NEXMIF: variants seen among roughly 807,000 people sequenced by gnomAD.
The protein encoded by NEXMIF is neurite extension and migration factor, also known as XLMR protein related to neurite extension.
NEXMIF carries 8 observed loss-of-function variants against 62.1 expected under a neutral mutation model. The ratio of observed to expected loss-of-function variants is 0.13; its 90% CI spans 0.08 to 0.23. The LOEUF is 0.23. NEXMIF is among the 10% of genes least tolerant of loss of function. The probability of loss-of-function intolerance (pLI) is 1.00; values close to 1 mark genes in which losing one functional copy is unlikely to be tolerated. For missense variants in NEXMIF, 976 were observed against 1,113.3 expected, an observed-to-expected ratio of 0.88 and a Z score of 1.75; for synonymous variants, 404 against 416.6, an observed-to-expected ratio of 0.97 and a Z score of 0.37.
At chrX:74,837,803 A>G (rs764670549) in intron 1 of NEXMIF, among the ~76,000 whole-genome samples, 7 of 112,172 alleles carry the variant, frequency 6.2e-5, no homozygotes, top group Non-Finnish European at 1.1e-4. Context: ...CAATTGTTAT[A>G]TGTAACTAAC....
At chrX:74,749,290 GA>G (rs1423011956) in intron 1 of NEXMIF, among the ~76,000 whole-genome samples, 10 of 110,839 alleles carry the variant, frequency 9.0e-5, no homozygotes, top group African/African-American at 3.0e-4. Context: ...TCAGCGGAGA[GA>G]AAAGTATTCC....
intron 1 of NEXMIF, among the ~76,000 whole-genome samples, chrX:74,828,171 G>C (rs750480988): frequency 1.8e-5 from 2 of 111,798 alleles, no homozygotes; most frequent in South Asian, 7.5e-4. Context: ...TATTTAATTG[G>C]AAAGGCTGTT....
chrX:74,798,964 T>TAA (rs1297637037), intron 1 of NEXMIF, among the ~76,000 whole-genome samples: 77 of 89,098 alleles, frequency 8.6e-4, no homozygotes, highest in African/African-American at 3.0e-3. Context: ...AGGAATAAAG[T>TAA]AAAAAAAAAA....
intron 1 of NEXMIF, among the ~76,000 whole-genome samples, chrX:74,870,835 G>T (rs2080597777): frequency 8.9e-6 from 1 of 111,812 alleles, no homozygotes; most frequent in Non-Finnish European, 1.9e-5. Context: ...AGAATATGGA[G>T]AAAAGGGAAT....
chrX:74,799,211 T>A (rs1364780775), intron 1 of NEXMIF, among the ~76,000 whole-genome samples: 1 of 110,861 alleles, frequency 9.0e-6, no homozygotes, highest in African/African-American at 3.3e-5. Context: ...TCAATAAAAC[T>A]AAGACTTCCT....
chrX:74,812,800 G>T (rs1180152545), intron 1 of NEXMIF, among the ~76,000 whole-genome samples: 1 of 111,917 alleles, frequency 8.9e-6, no homozygotes, highest in South Asian at 3.7e-4. Context: ...AATTTTGTAG[G>T]ATCTCAGAGA....
At position 74,743,301 on chromosome X, in the gene NEXMIF, T is replaced by C. The variant is rs1018310077; in HGVS notation, c.1256A>G (p.Glu419Gly). The change falls in exon 3 of 4, where the codon GAG becomes GGG. Residue 419 changes from glutamate (E) to glycine (G), a missense_variant. By Grantham distance (98) the Glu-to-Gly change is moderately conservative (BLOSUM62 -2). Around this residue, in one of 5 missense-constraint regions of NEXMIF, gnomAD observed 639 missense variants for 694.5 expected, o/e 0.92. Transcript: ENST00000055682. ...GCCCTGCTTTGGATTCTTAAGTTGC[T>C]CTACTTCAGTCCCACTGCATGGTTT... ...LNKPCSGTEVEQLKNPKQGHL... is the reference protein window; with the variant it reads ...LNKPCSGTEVGQLKNPKQGHL... 5.0e-6 allele frequency: 6 copies of C among 1,209,676 alleles called. No homozygotes were observed. Among genetic ancestry groups the C allele is most frequent in the Admixed American group, 2.2e-5 (1 of 45,741 alleles).
intron 1 of NEXMIF, among the ~76,000 whole-genome samples, chrX:74,834,248 T>C (rs1352827296): frequency 8.9e-6 from 1 of 111,777 alleles, no homozygotes; most frequent in Non-Finnish European, 1.9e-5. Context: ...TCTTGTTGTA[T>C]TGTCTATGTC....
chrX:74,763,714 G>C (rs1030160549), intron 1 of NEXMIF, among the ~76,000 whole-genome samples: 1 of 21,170 alleles, frequency 4.7e-5, no homozygotes, highest in East Asian at 3.7e-3. Flanking sequence ...TAGGTATTTT[G>C]TTCTCTTTGA....
rs2080089371 is a variant in NEXMIF, at chrX:74,737,789, T to G, written c.*1616A>C. 9.0e-6 allele frequency: 1 copy of G among 111,589 alleles called. No individual in the cohort carries two copies. Among genetic ancestry groups the G allele is most frequent in the African/African-American group, 3.3e-5 (1 of 30,543 alleles). 9.2% of individuals were successfully genotyped at this position (111,589 alleles called of 1,213,427 possible). A position where few individuals can be genotyped will look rare whatever the true frequency, so the allele number is the denominator to read the frequency against. ...CCTTTTGAAACATCTTCCCTTTTTT[T>G]GTTAAATCCCCTTTTTCCCTTCCCA... is the stretch of plus-strand genomic sequence containing the variant. On this transcript the variant is annotated 3_prime_UTR_variant, in exon 4 of 4. Transcript: ENST00000055682.
intron 1 of NEXMIF, among the ~76,000 whole-genome samples, chrX:74,882,308 T>G (rs752637301): frequency 1.8e-5 from 2 of 111,893 alleles, no homozygotes; most frequent in South Asian, 7.5e-4. Flanking sequence ...TGCAGGACAG[T>G]GGGTGCAGTG....
intron 1 of NEXMIF, among the ~76,000 whole-genome samples, chrX:74,798,043 T>C (rs2080317781): frequency 1.8e-5 from 2 of 112,232 alleles, no homozygotes; most frequent in African/African-American, 6.5e-5. Flanking sequence ...ATGTTACTTC[T>C]TGTCAAGCCC....
intron 1 of NEXMIF, among the ~76,000 whole-genome samples, chrX:74,779,021 T>A (rs758796029): frequency 1.8e-5 from 2 of 112,234 alleles, no homozygotes; most frequent in Admixed American, 1.9e-4. Context: ...AAATGCTGGG[T>A]CCTCCAGCTC....
At chrX:74,753,777 T>C (rs1405934994) in intron 1 of NEXMIF, among the ~76,000 whole-genome samples, 3 of 110,702 alleles carry the variant, frequency 2.7e-5, no homozygotes, top group Non-Finnish European at 5.7e-5. Flanking sequence ...ATGGTGACTT[T>C]CTTCTTCCAT....
At chrX:74,907,455 T>C (rs1230749858) in intron 1 of NEXMIF, among the ~76,000 whole-genome samples, 2 of 108,046 alleles carry the variant, frequency 1.9e-5, no homozygotes, top group African/African-American at 6.8e-5. Flanking sequence ...TGTAGTTGTG[T>C]CCAACTCACT....
At position 74,794,675 on chromosome X, in the gene NEXMIF, G is replaced by A. The variant is rs1422018922; in HGVS notation, c.-47-48978C>T. ...CAAGCCAGGTGCGGGATATAATCTC[G>A]TGGTGCGCCTTTTTTTAAGCCCGTC... On this transcript the variant is annotated intron_variant, in intron 1 of 3. Transcript: ENST00000055682. Among the ~76,000 whole-genome samples the A allele has an allele frequency of 9.8e-5, 11 of 112,090 alleles. No homozygotes were observed. In the South Asian group the frequency reaches 1.5e-3, roughly 15 times the overall value.
chrX:74,808,829 G>A (rs1481711100), intron 1 of NEXMIF, among the ~76,000 whole-genome samples: 3 of 112,063 alleles, frequency 2.7e-5, no homozygotes, highest in Non-Finnish European at 5.6e-5. Context: ...ACTTAAAATG[G>A]AATGGAAAGG....
chrX:74,743,609 G>A lies in NEXMIF; in HGVS notation c.948C>T (p.Ser316=). 8.3e-7 allele frequency: 1 copy of A among 1,211,663 alleles called. No individual in the cohort carries two copies. The highest frequency in any genetic ancestry group is 1.1e-6 in the Non-Finnish European group (1 of 895,453). ...DVCSLKIRYE[S]FQDNVRDKTT... ...TCTTGTCTCGAACATTGTCCTGAAA[G>A]GATTCATATCGAATTTTCAGGGAGC... Residue 316 remains serine (S), a synonymous_variant, in exon 3 of 4, where the codon TCC becomes TCT. Transcript: ENST00000055682.
intron 1 of NEXMIF, among the ~76,000 whole-genome samples, chrX:74,910,603 T>C (rs1441714011): frequency 9.0e-6 from 1 of 111,287 alleles, no homozygotes; most frequent in Non-Finnish European, 1.9e-5. Context: ...GGAAGGCGTG[T>C]TTGGTTTTGA....
Sources: allele counts gnomAD v4.1 joint callset (sites outside exome capture counted in the v4.1 genomes callset), GRCh38; gene constraint gnomAD v4.1.1; regional missense constraint gnomAD v4.1.1; transcripts MANE v1.5; gene names NCBI Gene and HGNC (gene_info 2026-07-23, HGNC 2026-07-21).